KHDC1: variants seen among roughly 807,000 people sequenced by gnomAD.
KHDC1 encodes KH domain containing 1.
KHDC1 carries 21 observed loss-of-function variants against 24.7 expected under a neutral mutation model. That is an observed-to-expected ratio of 0.85 (90% CI 0.60 to 1.23). The LOEUF (loss-of-function observed/expected upper bound fraction) is 1.23, where lower values mean the gene tolerates loss of function less well. Ranked by LOEUF, KHDC1 falls within the 50% of genes most tolerant of loss-of-function variation. The pLI, the probability that KHDC1 is intolerant of heterozygous loss-of-function variation, is 0.00. For synonymous variants in KHDC1, 98 were observed against 111.7 expected (o/e 0.88, Z 0.77); for missense variants, 274 against 298.5 (o/e 0.92, Z 0.61).
In KHDC1 at chr6:73,265,733, C is replaced by T. The variant is rs541820060; in HGVS notation, c.207-23203G>A. ...AACACAACTAAAAGGCAGGGTTACCCTCTTAGAGTACACTTGGAAAATCAG... is the reference window on the plus strand; with the variant it reads ...AACACAACTAAAAGGCAGGGTTACCTTCTTAGAGTACACTTGGAAAATCAG... On this transcript the variant is annotated intron_variant, in intron 2 of 4. Coordinates refer to ENST00000370384, the Ensembl canonical transcript of KHDC1. 4.8e-4 allele frequency among the ~76,000 whole-genome samples: 73 copies of T among 152,084 alleles called. 1 individual carries two copies. The highest frequency in any genetic ancestry group is 8.8e-4 in the Non-Finnish European group (60 of 68,018).
intron 1 of KHDC1, chr6:73,292,133 T>C (rs1767664998): frequency 1.3e-6 from 2 of 1,574,216 alleles, no homozygotes; most frequent in Non-Finnish European, 1.7e-6. Context: ...TATGGATGCA[T>C]ACAAAAACCT....
chr6:73,281,352 A>C (rs1767404809), intron 2 of KHDC1, among the ~76,000 whole-genome samples: 1 of 151,408 alleles, frequency 6.6e-6, no homozygotes. Flanking sequence ...AAAAAACAAA[A>C]AACCACCTGG....
At chr6:73,308,507 G>A (rs1307181203) in intron 1 of KHDC1, among the ~76,000 whole-genome samples, 4 of 151,224 alleles carry the variant, frequency 2.6e-5, no homozygotes, top group Non-Finnish European at 5.9e-5. Context: ...CACCGCGTCC[G>A]GCTTTTTTTT....
Position 73,302,760 on chromosome 6 carries a change from A to G in KHDC1, c.163+6792T>C, listed in dbSNP as rs201433631. Reference sequence around the variant, plus strand: ...AAATGTCATTATGTGATATAGATATATGAGATACTATTCAGCCTAAAAAGA... The same window carrying G: ...AAATGTCATTATGTGATATAGATATGTGAGATACTATTCAGCCTAAAAAGA... On this transcript the variant is annotated intron_variant, in intron 1 of 4. Coordinates refer to ENST00000370384, the Ensembl canonical transcript of KHDC1. Among the ~76,000 whole-genome samples, 3 of 152,310 alleles carry G rather than the reference A, an allele frequency of 2.0e-5. No individual in the cohort carries two copies. The East Asian group carries it at 5.8e-4, about 29-fold the overall frequency.
intron 2 of KHDC1, among the ~76,000 whole-genome samples, chr6:73,243,688 T>A (rs754250468): frequency 2.6e-5 from 4 of 152,210 alleles, no homozygotes; most frequent in Non-Finnish European, 5.9e-5. Flanking sequence ...CCCAACTCTA[T>A]CTGAATCTGT....
chr6:73,275,209 G>A (rs1483633817), intron 2 of KHDC1: 1 of 152,328 alleles, frequency 6.6e-6, no homozygotes, highest in African/African-American at 2.4e-5. Context: ...AAAAAGCTGG[G>A]CATGGTGGCG....
intron 1 of KHDC1, chr6:73,293,028 C>T: frequency 9.9e-7 from 1 of 1,010,098 alleles, no homozygotes; most frequent in Non-Finnish European, 1.5e-6. Context: ...TTGAACATGA[C>T]TCCAGATGAA....
chr6:73,282,901 A>G (rs1767441804), intron 2 of KHDC1, among the ~76,000 whole-genome samples: 1 of 152,224 alleles, frequency 6.6e-6, no homozygotes, highest in African/African-American at 2.4e-5. Flanking sequence ...GAGTAATGAT[A>G]AAACTCTGGT....
At chr6:73,278,308 C>T (rs151180251) in intron 2 of KHDC1, among the ~76,000 whole-genome samples, 255 of 151,680 alleles carry the variant, frequency 1.7e-3, no homozygotes, top group African/African-American at 3.7e-3. Flanking sequence ...TGAGCCATGG[C>T]GCCTGGCCAG....
chr6:73,288,587 C>T (rs1441742222), intron 2 of KHDC1, among the ~76,000 whole-genome samples: 1 of 152,010 alleles, frequency 6.6e-6, no homozygotes, highest in Non-Finnish European at 1.5e-5. Context: ...TGCCACTGCA[C>T]TCCAGCCTGG....
chr6:73,260,942 T>C (rs1766968845), intron 2 of KHDC1, among the ~76,000 whole-genome samples: 1 of 152,242 alleles, frequency 6.6e-6, no homozygotes. Context: ...CACTATCTAT[T>C]CCAGATGTTA....
At chr6:73,293,545 C>T (rs1461074696) in intron 1 of KHDC1, among the ~76,000 whole-genome samples, 1 of 152,070 alleles carries the variant, frequency 6.6e-6, no homozygotes, top group African/African-American at 2.4e-5. Flanking sequence ...TTTGGGAGGC[C>T]GAGGCAGGCA....
At chr6:73,305,822 G>C (rs1056834074) in intron 1 of KHDC1, among the ~76,000 whole-genome samples, 1 of 151,958 alleles carries the variant, frequency 6.6e-6, no homozygotes, top group Non-Finnish European at 1.5e-5. Context: ...ACCACACCCC[G>C]CTAATTTTTG....
At chr6:73,243,119 T>A (rs994762722) in intron 2 of KHDC1, among the ~76,000 whole-genome samples, 1 of 152,166 alleles carries the variant, frequency 6.6e-6, no homozygotes, top group African/African-American at 2.4e-5. Context: ...GTGATTATCC[T>A]GGTAAATTTA....
intron 2 of KHDC1, among the ~76,000 whole-genome samples, chr6:73,281,675 A>G (rs934685411): frequency 1.3e-5 from 2 of 151,758 alleles, no homozygotes; most frequent in African/African-American, 4.8e-5. Context: ...AGGATAGTAC[A>G]GAGTGCCCAT....
chr6:73,278,392 TA>T (rs1189665551), intron 2 of KHDC1, among the ~76,000 whole-genome samples: 15 of 152,064 alleles, frequency 9.9e-5, no homozygotes, highest in Admixed American at 9.8e-4. Flanking sequence ...AACAACTTTT[TA>T]TTTTTTTATT....
In KHDC1 at chr6:73,291,163, G is replaced by T; in HGVS notation, c.206+835C>A. 3 of 496,768 alleles carry T rather than the reference G, an allele frequency of 6.0e-6. No individual in the cohort carries two copies. The Admixed American group carries it at 6.2e-5, about 10-fold the overall frequency. The allele number at this position is 496,768 out of a possible 1,614,324, so 30.8% of individuals were successfully genotyped here. A position where few individuals can be genotyped will look rare whatever the true frequency, so the allele number is the denominator to read the frequency against. The stretch of plus-strand genomic sequence containing the variant: ...AGGTGCCCTCTGTGCCTATTCAGCA[G>T]TTCCCTACTGAAGATTGGAGCACTT... On this transcript the variant is annotated intron_variant, in intron 2 of 4. Transcript: ENST00000370384.
chr6:73,246,207 G>C (rs6904505), intron 2 of KHDC1, among the ~76,000 whole-genome samples: 53,397 of 151,878 alleles, frequency 0.35, 11,967 homozygotes, highest in African/African-American at 0.65. Flanking sequence ...TTAAGCAGGC[G>C]CCTCCACCAC....
intron 2 of KHDC1, among the ~76,000 whole-genome samples, chr6:73,283,705 A>G (rs1460600948): frequency 7.0e-6 from 1 of 142,656 alleles, no homozygotes; most frequent in Non-Finnish European, 1.5e-5. Flanking sequence ...CAGTGGCGCG[A>G]TCTTGGCTCA....
Sources: gnomAD v4.1 joint callset for allele counts (sites outside exome capture counted in the v4.1 genomes callset) on GRCh38, gnomAD v4.1.1 for gene constraint, MANE v1.5 for transcripts, NCBI Gene and HGNC (gene_info 2026-07-23, HGNC 2026-07-21) for gene names.